Variants in TNNT2 observed in about 807,000 individuals in gnomAD.
The protein encoded by TNNT2 is troponin T2, cardiac type, also known as troponin T, cardiac muscle.
Under a neutral mutation model 62.4 loss-of-function variants are expected in TNNT2, and 34 were observed. The ratio of observed to expected loss-of-function variants is 0.54; its 90% CI spans 0.41 to 0.72. The LOEUF (loss-of-function observed/expected upper bound fraction) is 0.72. Among genes scored for constraint, TNNT2 ranks in the 30% least tolerant of loss-of-function variants. TNNT2 has a pLI of 0.00. For missense variants in TNNT2, 275 were observed against 381.9 expected, an observed-to-expected ratio of 0.72 and a Z score of 2.33; for synonymous variants, 123 against 127.2, an observed-to-expected ratio of 0.97 and a Z score of 0.22.
chr1:201,370,388 G>C (rs182453178), intron 4 of TNNT2, among the ~76,000 whole-genome samples: 36 of 152,286 alleles, frequency 2.4e-4, no homozygotes, highest in Admixed American at 2.0e-3. Context: ...CTGGCCCCAG[G>C]GGAGATTTGC....
chr1:201,377,607 C>A lies in TNNT2; in HGVS notation c.-15+16G>T, dbSNP rs1025002600. On this transcript the variant is annotated intron_variant, in intron 1 of 16. Transcript: ENST00000656932. ...TCTCTGCTCTCCTCTTCCCCAGAGCCCTGCCCGAGCCTTACCTCAGAACAG... is the reference window on the plus strand; with the variant it reads ...TCTCTGCTCTCCTCTTCCCCAGAGCACTGCCCGAGCCTTACCTCAGAACAG... 1 of 456,284 alleles carries A rather than the reference C, an allele frequency of 2.2e-6. No homozygotes were observed. The highest frequency in any genetic ancestry group is 4.4e-6 in the Non-Finnish European group (1 of 226,980). 28.3% of individuals were successfully genotyped at this position (456,284 alleles called of 1,614,324 possible).
intron 4 of TNNT2, among the ~76,000 whole-genome samples, chr1:201,370,953 G>T (rs934268589): frequency 2.0e-5 from 3 of 152,212 alleles, no homozygotes; most frequent in African/African-American, 7.2e-5. Context: ...AGTATCTGGT[G>T]TTCCTTAAAA....
chr1:201,363,943 A>C (rs1429360383), intron 11 of TNNT2: 7 of 300,290 alleles, frequency 2.3e-5, no homozygotes, highest in African/African-American at 1.1e-4. Context: ...GCTAGAGTGC[A>C]ATGGCATGAC....
At chr1:201,359,571 G>C (rs1658204301) in intron 16 of TNNT2, 52 bp downstream of exon 16, 8 of 1,542,042 alleles carry the variant, frequency 5.2e-6, no homozygotes, top group South Asian at 3.5e-5. Context: ...CTGGAAGGTA[G>C]GGAAGGAGGG....
intron 8 of TNNT2, chr1:201,366,033 T>G: frequency 8.5e-7 from 1 of 1,173,108 alleles, no homozygotes; most frequent in South Asian, 2.0e-5. Flanking sequence ...GGACTTCAAA[T>G]CCCCTGGTGG....
At chr1:201,364,087 T>C (rs1478076006) in intron 11 of TNNT2, 11 of 566,952 alleles carry the variant, frequency 1.9e-5, no homozygotes, top group Non-Finnish European at 3.2e-5. Flanking sequence ...GGTTTCTCCG[T>C]TGGTCAGGAT....
At chr1:201,365,535 C>G (rs919561788) in intron 9 of TNNT2, 75 bp downstream of exon 9, 4 of 1,537,020 alleles carry the variant, frequency 2.6e-6, no homozygotes. Context: ...AGCCCAAGGT[C>G]ACAAAATCTC....
intron 11 of TNNT2, chr1:201,364,034 G>A: frequency 2.1e-6 from 1 of 468,570 alleles, no homozygotes; most frequent in Non-Finnish European, 3.9e-6. Context: ...TGACCGGCAT[G>A]TGCCACCACG....
rs1221903769 is a variant in TNNT2 at position 201,369,854 on chromosome 1, C to T, written c.68-9G>A. 2.5e-6 allele frequency: 4 copies of T among 1,614,052 alleles called. No individual in the cohort carries two copies. In the Admixed American group the frequency reaches 6.7e-5, roughly 27 times the overall value. On this transcript the variant is annotated splice_polypyrimidine_tract_variant and intron_variant, in intron 4 of 16. Transcript: ENST00000656932. The stretch of plus-strand genomic sequence containing the variant: ...TCTCCAGTCCTCCTCTTCTGAGGTT[C>T]AGGGAGTGGCCGCAGCGGAGGGGAA...
intron 2 of TNNT2, among the ~76,000 whole-genome samples, chr1:201,372,392 G>A (rs1660776226): frequency 6.6e-6 from 1 of 152,150 alleles, no homozygotes; most frequent in African/African-American, 2.4e-5. Context: ...GCCCCAGCCA[G>A]CTTGGTCTCA....
intron 15 of TNNT2, among the ~76,000 whole-genome samples, chr1:201,360,141 G>C (rs1436738645): frequency 6.6e-6 from 1 of 152,178 alleles, no homozygotes; most frequent in Non-Finnish European, 1.5e-5. Context: ...GGCCGGTGCA[G>C]AGTTCAGTGT....
intron 12 of TNNT2, among the ~76,000 whole-genome samples, chr1:201,362,616 T>C (rs1571610472): frequency 6.6e-6 from 1 of 152,078 alleles, no homozygotes; most frequent in Non-Finnish European, 1.5e-5. Context: ...GCTGGTGTGG[T>C]CACCATGGGG....
chr1:201,363,476 C>T, intron 11 of TNNT2, 70 bp from the exon 12 acceptor site: 1 of 1,460,182 alleles, frequency 6.8e-7, no homozygotes, highest in Non-Finnish European at 9.6e-7. Context: ...TGGGCTGAAG[C>T]TTGTGGTCTT....
intron 2 of TNNT2, among the ~76,000 whole-genome samples, chr1:201,372,752 C>A (rs554244376): frequency 1.3e-5 from 2 of 152,322 alleles, no homozygotes; most frequent in African/African-American, 4.8e-5. Flanking sequence ...CTGTGTCCCA[C>A]CCCCTGGTTT....
chr1:201,370,851 G>C (rs187913983), intron 4 of TNNT2, among the ~76,000 whole-genome samples: 66 of 152,312 alleles, frequency 4.3e-4, no homozygotes, highest in African/African-American at 1.5e-3. Flanking sequence ...ACAAAGGAAG[G>C]GATATCATAT....
Position 201,369,678 on chromosome 1 carries a change from G to A in TNNT2, c.97+138C>T, listed in dbSNP as rs1002512462. 18 of 994,656 alleles carry A rather than the reference G, an allele frequency of 1.8e-5. No homozygotes were observed. The Admixed American group carries it at 3.1e-4, about 17-fold the overall frequency. The allele number at this position is 994,656 out of a possible 1,614,324, so 61.6% of individuals were successfully genotyped here. On this transcript the variant is annotated intron_variant, in intron 5 of 16. Transcript: ENST00000656932. ...CTGTGATCCTGGCCCCTGGGAGGCA[G>A]GGGAGGAAACGACTGACCCACTCCG...
chr1:201,371,977 C>G, intron 4 of TNNT2, 50 bp downstream of exon 4: 1 of 1,613,380 alleles, frequency 6.2e-7, no homozygotes, highest in African/African-American at 1.3e-5. Flanking sequence ...AGGATTTCCA[C>G]ATTGCTGAGC....
chr1:201,364,454 G>A, intron 10 of TNNT2, 79 bp from the exon 11 acceptor site: 2 of 1,455,056 alleles, frequency 1.4e-6, no homozygotes, highest in Non-Finnish European at 1.9e-6. Context: ...TGCATGGGGT[G>A]GCAAGGGAAT....
In TNNT2 at chr1:201,372,038, G is replaced by C. The variant is rs753645200; in HGVS notation, c.56C>G (p.Ala19Gly). 1.5e-5 allele frequency: 24 copies of C among 1,568,864 alleles called. 1 individual carries two copies. In the South Asian group the frequency reaches 2.6e-4, roughly 17 times the overall value. Residue 19 changes from alanine to glycine, a missense_variant, in exon 4 of 17, where the codon GCA (alanine) becomes GGA (glycine). By Grantham distance (60) the Ala-to-Gly change is moderately conservative. Transcript: ENST00000656932. ...EEYEEEEQEE[A>G]AVEEEEDWRE... ...CCTGAGGCACATACCTTCAACAGCT[G>C]CTTCTGCTCAGAAGAGAAGTCCAGG... is the stretch of plus-strand genomic sequence containing the variant.
Sources: allele counts gnomAD v4.1 joint callset (sites outside exome capture counted in the v4.1 genomes callset), GRCh38; gene constraint gnomAD v4.1.1; transcripts MANE v1.5; gene names NCBI Gene and HGNC (gene_info 2026-07-23, HGNC 2026-07-21).